The following ALS2CL variants were observed in gnomAD, a reference collection of about 807,000 sequenced individuals.
The protein encoded by ALS2CL is ALS2 C-terminal like, also known as ALS2 C-terminal-like protein.
ALS2CL carries 112 observed loss-of-function variants against 127.9 expected under a neutral mutation model. The observed-to-expected ratio is 0.88, with a 90% CI of 0.75 to 1.02. The LOEUF is 1.02. Ranked by LOEUF, ALS2CL falls within the 50% of genes least tolerant of loss-of-function variation. The pLI is 0.00. For missense variants in ALS2CL, 1,174 were observed against 1,236.7 expected (o/e 0.95, Z 0.76); for synonymous variants, 519 against 527.6 (o/e 0.98, Z 0.22).
At chr3:46,671,696 G>A (rs1698403700) in intron 24 of ALS2CL, 112 bp from the exon 25 acceptor site, 1 of 1,569,166 alleles carries the variant, frequency 6.4e-7, no homozygotes, top group Admixed American at 1.9e-5. Context: ...CCTGGGGTGT[G>A]GTCCTCACTC....
chr3:46,685,735 C>G (rs1699714381), intron 6 of ALS2CL, 91 bp from the exon 7 acceptor site: 1 of 1,506,072 alleles, frequency 6.6e-7, no homozygotes, highest in African/African-American at 1.4e-5. Context: ...ACCCCAGACA[C>G]CTCCCAGAGG....
chr3:46,693,662 C>G lies in ALS2CL; in HGVS notation c.-45G>C, dbSNP rs1008951894. ...CCTTACCTGAGCGCTGTGGTTGCCC[C>G]GCGCCGGGACTGCCTGTGCGGCTCC... On this transcript the variant is annotated 5_prime_UTR_variant, in exon 1 of 26. Transcript: ENST00000318962. 5 of 152,290 alleles carry G rather than the reference C, an allele frequency of 3.3e-5. No homozygotes were observed. Among genetic ancestry groups the G allele is most frequent in the African/African-American group, 7.2e-5 (3 of 41,444 alleles). The allele number at this position is 152,290 out of a possible 1,614,324, so 9.4% of individuals were successfully genotyped here.
At chr3:46,676,220 C>G in intron 19 of ALS2CL, 25 bp downstream of exon 19, 2 of 1,608,268 alleles carry the variant, frequency 1.2e-6, no homozygotes, top group African/African-American at 1.3e-5. Flanking sequence ...AGGGCAGTAG[C>G]TGTCCCGTTT....
chr3:46,681,318 TG>T lies in ALS2CL; in HGVS notation c.1363del (p.Gln455SerfsTer83), dbSNP rs765143111. The T allele has an allele frequency of 1.2e-6, 2 of 1,613,662 alleles. No individual in the cohort carries two copies. The highest frequency in any genetic ancestry group is 2.7e-5 in the African/African-American group (2 of 74,882). On this transcript the variant is annotated frameshift_variant, in exon 13 of 26. Coordinates refer to ENST00000318962, the MANE Select transcript of ALS2CL (RefSeq NM_147129.5). LOFTEE classifies it high-confidence loss of function. The surrounding 1 kb of genome is among the most constrained non-coding windows in gnomAD (Gnocchi z 4.9). ...CCAGTGGCCCGTGTACCTGAAGGGC[TG>T]GGGGGCCTGCGGACCACTCTCAAGG... is the stretch of plus-strand genomic sequence containing the variant. ...GVLESGPQAPQPFRYTGHWER... is the reference protein window; with the variant it reads ...GVLESGPQAPXPFRYTGHWER...
intron 21 of ALS2CL, among the ~76,000 whole-genome samples, 199 bp downstream of exon 21, chr3:46,674,367 C>A (rs1307671428): frequency 6.6e-6 from 1 of 152,166 alleles, no homozygotes; most frequent in African/African-American, 2.4e-5. Flanking sequence ...AAGGGGGAGG[C>A]TGAGAAAGAC....
chr3:46,670,648 C>T lies in ALS2CL; in HGVS notation c.*336G>A. On this transcript the variant is annotated 3_prime_UTR_variant, in exon 26 of 26. Transcript: ENST00000318962. The surrounding 1 kb of genome is among the most constrained non-coding windows in gnomAD (Gnocchi z 5.5). Reference sequence around the variant, plus strand: ...ACTCACTCCACCATTGTACAGATGGCAGCACTGAGGCCCGGAGAGGCTCTG... The same window carrying T: ...ACTCACTCCACCATTGTACAGATGGTAGCACTGAGGCCCGGAGAGGCTCTG... 2 of 331,890 alleles carry T rather than the reference C, an allele frequency of 6.0e-6. No homozygotes were observed. The highest frequency in any genetic ancestry group is 1.2e-5 in the Non-Finnish European group (2 of 170,502). 20.6% of individuals were successfully genotyped at this position (331,890 alleles called of 1,614,324 possible). A position where few individuals can be genotyped will look rare whatever the true frequency, so the allele number is the denominator to read the frequency against.
At chr3:46,671,774 C>G (rs577437629) in intron 24 of ALS2CL, 110 bp downstream of exon 24, 14 of 1,542,182 alleles carry the variant, frequency 9.1e-6, no homozygotes, top group Admixed American at 5.7e-5. Flanking sequence ...CCCATCTGTA[C>G]AGAGAGAAGC....
At chr3:46,680,813 G>C (rs1699260074) in intron 13 of ALS2CL, 1 of 539,780 alleles carries the variant, frequency 1.9e-6, no homozygotes. Context: ...CAAAGCCATG[G>C]AGGTAGGAGC....
In ALS2CL at chr3:46,681,922, T is replaced by C. The variant is rs1699381837; in HGVS notation, c.1175+107A>G. 1 of 1,357,242 alleles carries C rather than the reference T, an allele frequency of 7.4e-7. No individual in the cohort carries two copies. Among genetic ancestry groups the C allele is most frequent in the African/African-American group, 1.4e-5 (1 of 69,768 alleles). The allele number at this position is 1,357,242 out of a possible 1,614,324, so 84.1% of individuals were successfully genotyped here. On this transcript the variant is annotated intron_variant, in intron 11 of 25. Coordinates refer to ENST00000318962, the MANE Select transcript of ALS2CL (RefSeq NM_147129.5). The surrounding 1 kb of genome is among the most constrained non-coding windows in gnomAD (Gnocchi z 4.9). Reference sequence around the variant, plus strand: ...ACCGGATTGTCTCTAAGTTCCTGCTTGAGGTTTGGGAATTCAGGATGGGGC... The same window carrying C: ...ACCGGATTGTCTCTAAGTTCCTGCTCGAGGTTTGGGAATTCAGGATGGGGC...
chr3:46,686,552 C>G lies in ALS2CL; in HGVS notation c.535-113G>C. 7.2e-7 allele frequency: 1 copy of G among 1,396,624 alleles called. No individual in the cohort carries two copies. The highest frequency in any genetic ancestry group is 9.6e-7 in the Non-Finnish European group (1 of 1,037,096). The allele number at this position is 1,396,624 out of a possible 1,614,324, so 86.5% of individuals were successfully genotyped here. On this transcript the variant is annotated intron_variant, in intron 5 of 25. Transcript: ENST00000318962. This position sits in a 1 kb window ranked among gnomAD's most constrained non-coding sequence, Gnocchi z 4.3. ...AATCTAGGCCAGACCTTGCCCTTCT[C>G]TCCCTGACAGCTCCTCTTCTGCTGG...
At chr3:46,674,841 T>C (rs1055062682) in intron 20 of ALS2CL, 102 bp from the exon 21 acceptor site, 13 of 1,200,026 alleles carry the variant, frequency 1.1e-5, no homozygotes, top group Admixed American at 3.3e-5. Context: ...ACAAACAGTG[T>C]CCTGGCCTCC....
Position 46,683,328 on chromosome 3 carries a change from T to G in ALS2CL, c.913-2A>C. On this transcript the variant is annotated splice_acceptor_variant, in intron 9 of 25. Transcript: ENST00000318962. LOFTEE classifies it high-confidence loss of function. ...GGTCACCTTCCACTGCCAGACTGCC[T>G]GGTGGGAGGGGGAACATGGGGAAGG... The G allele has an allele frequency of 6.3e-7, 1 of 1,578,436 alleles. No individual in the cohort carries two copies. The highest frequency in any genetic ancestry group is 8.6e-7 in the Non-Finnish European group (1 of 1,161,422).
rs1209780891 is a variant in ALS2CL at position 46,669,138 on chromosome 3, T to A, written c.*1846A>T. ...CCTCGACCCTCCAGGCTCAGGGATC[T>A]TCCCACCTCAGCCTCCCGAGTAGCT... is the stretch of plus-strand genomic sequence containing the variant. On this transcript the variant is annotated 3_prime_UTR_variant, in exon 26 of 26. Transcript: ENST00000318962. 1.3e-5 allele frequency: 2 copies of A among 152,170 alleles called. No individual in the cohort carries two copies. The highest frequency in any genetic ancestry group is 6.5e-5 in the Admixed American group (1 of 15,272). 9.4% of individuals were successfully genotyped at this position (152,170 alleles called of 1,614,324 possible). A position where few individuals can be genotyped will look rare whatever the true frequency, so the allele number is the denominator to read the frequency against.
chr3:46,677,287 G>C, intron 16 of ALS2CL: 1 of 1,312,046 alleles, frequency 7.6e-7, no homozygotes, highest in Non-Finnish European at 9.7e-7. Context: ...GAGACAGAAA[G>C]GTGGGCAGAT....
Position 46,687,138 on chromosome 3 carries a change from G to C in ALS2CL, c.379C>G (p.Arg127Gly), listed in dbSNP as rs536570568. The change falls in exon 5 of 26, where the codon CGG becomes GGG. Residue 127 changes from arginine (R) to glycine (G), a missense_variant. Physicochemically the swap from Arg to Gly is moderately radical, Grantham distance 125. Coordinates refer to ENST00000318962, the MANE Select transcript of ALS2CL (RefSeq NM_147129.5). ...KAAKRRSEYW[R>G]GQRKALRQLL... ...TGCCGCAGCGCCTTCCGCTGGCCCC[G>C]CCAGTACTCGCTGCGTGTAGAGAGG... 1.3e-6 allele frequency: 2 copies of C among 1,562,436 alleles called. No homozygotes were observed. The highest frequency in any genetic ancestry group is 8.6e-7 in the Non-Finnish European group (1 of 1,161,392).
rs1291623724 is a variant in ALS2CL, at chr3:46,681,750, G to A, written c.1176-152C>T. 1.2e-6 allele frequency: 1 copy of A among 860,236 alleles called. No homozygotes were observed. Among genetic ancestry groups the A allele is most frequent in the Non-Finnish European group, 1.8e-6 (1 of 558,898 alleles). 53.3% of individuals were successfully genotyped at this position (860,236 alleles called of 1,614,324 possible). On this transcript the variant is annotated intron_variant, in intron 11 of 25. Coordinates refer to ENST00000318962, the MANE Select transcript of ALS2CL (RefSeq NM_147129.5). The surrounding 1 kb of genome is among the most constrained non-coding windows in gnomAD (Gnocchi z 4.9). ...CCCTCAGCCTTCCTATCCTTCAAAG[G>A]GCCCCTCTCAGGACCCCTCCCTCCA...
rs760530150 is a variant in ALS2CL at position 46,674,699 on chromosome 3, G to A, written c.2296C>T (p.Pro766Ser). The change falls in exon 21 of 26, where the codon CCC becomes TCC. Residue 766 changes from proline to serine, a missense_variant. Physicochemically the swap from Pro to Ser is moderately conservative, Grantham distance 74. Transcript: ENST00000318962. ...GTGAAGAGCTCTGAGTAGAAGCTGG[G>A]CAGCATGAGGGGCAGCACCAATCCA... ...VHGLVLPLML[P>S]SFYSELFTLY... The A allele has an allele frequency of 1.1e-5, 17 of 1,614,010 alleles. No individual in the cohort carries two copies. The highest frequency in any genetic ancestry group is 1.7e-5 in the Admixed American group (1 of 60,002).
At chr3:46,672,344 AC>A (rs1698474155) in intron 22 of ALS2CL, 143 bp from the exon 23 acceptor site, 1 of 1,014,572 alleles carries the variant, frequency 9.9e-7, no homozygotes, top group Non-Finnish European at 1.5e-6. Context: ...GGGCTGAGTG[AC>A]CCAGGGCAAG....
chr3:46,688,234 T>C lies in ALS2CL; in HGVS notation c.166A>G (p.Ser56Gly). 1.2e-6 allele frequency: 2 copies of C among 1,612,930 alleles called. No homozygotes were observed. The highest frequency in any genetic ancestry group is 2.2e-5 in the East Asian group (1 of 44,876). Residue 56 changes from serine to glycine, a missense_variant, in exon 3 of 26, where the codon AGC becomes GGC. Physicochemically the swap from Ser to Gly is moderately conservative, Grantham distance 56. Transcript: ENST00000318962. ...GTCACCTCCCAGAGTTGCTGGGAGC[T>C]CTTGTGCAGCTGTTGCAAGAGCCGC... ...CLRLLQQLHK[S>G]SQQLWEVTEE... is the part of the protein sequence containing the mutation.
Sources: gnomAD v4.1 joint callset for allele counts (sites outside exome capture counted in the v4.1 genomes callset) on GRCh38, gnomAD v4.1.1 for gene constraint, Gnocchi (gnomAD v3.1) non-coding constraint, MANE v1.5 for transcripts, NCBI Gene and HGNC (gene_info 2026-07-23, HGNC 2026-07-21) for gene names.